ALDH5A1: variants seen among roughly 807,000 people sequenced by gnomAD.
ALDH5A1 encodes the protein aldehyde dehydrogenase 5 family member A1, also known as succinate-semialdehyde dehydrogenase, mitochondrial.
In ALDH5A1, 33 loss-of-function variants were observed where a neutral mutation model predicts 54.7. The ratio of observed to expected loss-of-function variants is 0.60; its 90% CI spans 0.46 to 0.81. The LOEUF (loss-of-function observed/expected upper bound fraction) is 0.81. ALDH5A1 is among the 30% of genes least tolerant of loss of function. The pLI is 0.00. For synonymous variants in ALDH5A1, 294 were observed against 292.7 expected, an observed-to-expected ratio of 1.00 and a Z score of -0.05; for missense variants, 657 against 711.0, an observed-to-expected ratio of 0.92 and a Z score of 0.86.
chr6:24,523,549 A>G (rs905807950), intron 7 of ALDH5A1, among the ~76,000 whole-genome samples: 6 of 152,202 alleles, frequency 3.9e-5, no homozygotes, highest in African/African-American at 1.4e-4. Context: ...GTAGCTCTTT[A>G]CTGTCCTCCC....
intron 8 of ALDH5A1, among the ~76,000 whole-genome samples, chr6:24,529,358 G>C (rs957790180): frequency 3.3e-5 from 5 of 151,686 alleles, no homozygotes; most frequent in Non-Finnish European, 7.4e-5. Flanking sequence ...ATAGAGACAG[G>C]GTTTCACCAT....
intron 1 of ALDH5A1, among the ~76,000 whole-genome samples, chr6:24,501,133 C>T (rs865839727): frequency 9.2e-5 from 14 of 152,106 alleles, no homozygotes; most frequent in Admixed American, 2.0e-4. Flanking sequence ...TCAAGGTAAT[C>T]GTTGTAAGAT....
At position 24,506,243 on chromosome 6, in the gene ALDH5A1, C is replaced by CTTTTTTTTTTTTTTTTTTTTTTTT. The variant is rs70974913; in HGVS notation, c.726+1265_726+1288dup. ...TCTGCACCTCCTTCTTTCCTGGTTCCTTTTTTTTTTTTTTTTTTTTTTTTT... is the reference window on the plus strand; with the variant it reads ...TCTGCACCTCCTTCTTTCCTGGTTCCTTTTTTTTTTTTTTTTTTTTTTTTTTTTTTTTTTTTTTTTTTTTTTTTT... On this transcript the variant is annotated intron_variant, in intron 4 of 9. Coordinates refer to ENST00000357578, the MANE Select transcript of ALDH5A1 (RefSeq NM_001080.3). Among the ~76,000 whole-genome samples the CTTTTTTTTTTTTTTTTTTTTTTTT allele has an allele frequency of 4.6e-4, 24 of 52,160 alleles. 8 individuals carry two copies. The highest frequency in any genetic ancestry group is 7.9e-4 in the Non-Finnish European group (23 of 29,132). 34.2% of individuals were successfully genotyped at this position (52,160 alleles called of 152,430 possible).
At chr6:24,526,889 CTATATATATATCTACTATATATATAT>C in intron 7 of ALDH5A1, among the ~76,000 whole-genome samples, 1 of 120,772 alleles carries the variant, frequency 8.3e-6, no homozygotes, top group South Asian at 2.4e-4. Context: ...TATATATATT[CTATATATATATCTACTATATATATAT>C]TCTATATATA....
chr6:24,534,253 A>T lies in ALDH5A1; in HGVS notation c.*541A>T. 1 of 162,084 alleles carries T rather than the reference A, an allele frequency of 6.2e-6. No homozygotes were observed. The highest frequency in any genetic ancestry group is 1.7e-4 in the South Asian group (1 of 6,012). The allele number at this position is 162,084 out of a possible 1,614,324, so 10.0% of individuals were successfully genotyped here. On this transcript the variant is annotated 3_prime_UTR_variant, in exon 10 of 10. Coordinates refer to ENST00000357578, the MANE Select transcript of ALDH5A1 (RefSeq NM_001080.3). The stretch of plus-strand genomic sequence containing the variant: ...TTTGAGTGAACCCTCTTTCAAAGAC[A>T]ATAAATAGCACAGAATTGTCCGTGC...
chr6:24,512,271 T>C (rs2127384912), intron 4 of ALDH5A1, among the ~76,000 whole-genome samples: 1 of 152,326 alleles, frequency 6.6e-6, no homozygotes, highest in Non-Finnish European at 1.5e-5. Flanking sequence ...CTTCACAGGA[T>C]CTGTATGCTC....
chr6:24,521,857 ATTTTTTTTTTTTT>A (rs71542679), intron 6 of ALDH5A1, among the ~76,000 whole-genome samples: 1 of 98,214 alleles, frequency 1.0e-5, no homozygotes, highest in Non-Finnish European at 1.9e-5. Flanking sequence ...TGTCTCTACA[ATTTTTTTTTTTTT>A]TTTTTTTTTT....
chr6:24,523,527 C>G (rs542794127), intron 7 of ALDH5A1, among the ~76,000 whole-genome samples: 1 of 152,208 alleles, frequency 6.6e-6, no homozygotes, highest in Admixed American at 6.5e-5. Flanking sequence ...AGTCCCCATG[C>G]GGTCTGTCAC....
At chr6:24,517,476 A>G (rs2127386606) in intron 5 of ALDH5A1, among the ~76,000 whole-genome samples, 1 of 152,354 alleles carries the variant, frequency 6.6e-6, no homozygotes, top group East Asian at 1.9e-4. Flanking sequence ...ATGCAAACTT[A>G]TCCGCAGAAA....
chr6:24,495,448 C>T, intron 1 of ALDH5A1, 98 bp downstream of exon 1: 8 of 1,209,926 alleles, frequency 6.6e-6, no homozygotes, highest in Non-Finnish European at 9.2e-6. Context: ...CGTCGCCTCC[C>T]TCCTGTGCTC....
intron 7 of ALDH5A1, among the ~76,000 whole-genome samples, chr6:24,524,497 G>A (rs748837147): frequency 1.9e-4 from 29 of 152,112 alleles, no homozygotes; most frequent in Non-Finnish European, 3.4e-4. Flanking sequence ...AACCTCCTCA[G>A]AGCCTGAGAA....
At chr6:24,500,245 G>A (rs1229378778) in intron 1 of ALDH5A1, among the ~76,000 whole-genome samples, 1 of 152,076 alleles carries the variant, frequency 6.6e-6, no homozygotes, top group Non-Finnish European at 1.5e-5. Flanking sequence ...GTGGTATTAA[G>A]TGCATTCATG....
intron 6 of ALDH5A1, 44 bp from the exon 7 acceptor site, chr6:24,522,723 A>T: frequency 6.2e-7 from 1 of 1,610,018 alleles, no homozygotes; most frequent in Non-Finnish European, 8.5e-7. Flanking sequence ...TCAGGTCTGC[A>T]GCTTCTGACA....
chr6:24,515,543 G>T (rs1173243904), intron 5 of ALDH5A1, among the ~76,000 whole-genome samples: 1 of 152,084 alleles, frequency 6.6e-6, no homozygotes, highest in African/African-American at 2.4e-5. Context: ...TGGCCAACAT[G>T]ATGAAACCCC....
intron 4 of ALDH5A1, among the ~76,000 whole-genome samples, chr6:24,511,279 A>G (rs1357443452): frequency 1.3e-5 from 2 of 152,108 alleles, no homozygotes; most frequent in African/African-American, 4.8e-5. Context: ...ACTTCAGGTA[A>G]CCTGATGACA....
chr6:24,520,718 C>A (rs1341361892), intron 6 of ALDH5A1, among the ~76,000 whole-genome samples, 174 bp downstream of exon 6: 1 of 151,928 alleles, frequency 6.6e-6, no homozygotes, highest in African/African-American at 2.4e-5. Flanking sequence ...TTTTGGGTTC[C>A]TTCCATTATT....
At chr6:24,533,263 A>C (rs1759970033) in intron 9 of ALDH5A1, among the ~76,000 whole-genome samples, 2 of 152,198 alleles carry the variant, frequency 1.3e-5, no homozygotes, top group African/African-American at 2.4e-5. Flanking sequence ...GGTGGATTGA[A>C]TAGTAGAAAA....
chr6:24,522,625 G>A (rs372722927), intron 6 of ALDH5A1, 142 bp from the exon 7 acceptor site: 28 of 962,680 alleles, frequency 2.9e-5, no homozygotes, highest in African/African-American at 1.9e-4. Context: ...CCAAGCCCAC[G>A]TGAGGAGGAA....
At chr6:24,508,103 G>A (rs952234289) in intron 4 of ALDH5A1, among the ~76,000 whole-genome samples, 14 of 151,958 alleles carry the variant, frequency 9.2e-5, no homozygotes, top group Non-Finnish European at 2.1e-4. Context: ...GGTGGCTCAC[G>A]CCTGTAATCC....
Sources: allele counts gnomAD v4.1 joint callset (sites outside exome capture counted in the v4.1 genomes callset), GRCh38; gene constraint gnomAD v4.1.1; transcripts MANE v1.5; gene names NCBI Gene and HGNC (gene_info 2026-07-23, HGNC 2026-07-21).